Variants in ADAM22 observed in about 807,000 individuals in gnomAD.
ADAM22 encodes ADAM metallopeptidase domain 22.
In ADAM22, 65 loss-of-function variants were observed where a neutral mutation model predicts 144.6. The ratio of observed to expected loss-of-function variants is 0.45; its 90% CI spans 0.37 to 0.55. The LOEUF (loss-of-function observed/expected upper bound fraction) is 0.55, where lower values mean the gene tolerates loss of function less well. Ranked by LOEUF, ADAM22 falls within the 20% of genes least tolerant of loss-of-function variation. The probability of loss-of-function intolerance (pLI) is 0.00; values close to 1 mark genes in which losing one functional copy is unlikely to be tolerated. For missense variants in ADAM22, 974 were observed against 1,184.9 expected (o/e 0.82, Z 2.61); for synonymous variants, 391 against 412.6 (o/e 0.95, Z 0.63).
intron 2 of ADAM22, among the ~76,000 whole-genome samples, chr7:87,941,332 T>A (rs1842434595): frequency 6.6e-6 from 1 of 152,198 alleles, no homozygotes; most frequent in Admixed American, 6.5e-5. Flanking sequence ...TTTTTATTGA[T>A]GTACTTATAC....
intron 8 of ADAM22, 23 bp downstream of exon 8, chr7:88,125,682 C>A: frequency 6.5e-7 from 1 of 1,537,182 alleles, no homozygotes; most frequent in South Asian, 1.3e-5. Flanking sequence ...AGTGGTGTGT[C>A]GTGTTATTTT....
chr7:88,115,127 C>A (rs1827415988), intron 6 of ADAM22, among the ~76,000 whole-genome samples: 2 of 152,120 alleles, frequency 1.3e-5, no homozygotes, highest in Admixed American at 6.6e-5. Context: ...CGCCTGTAAT[C>A]CCAGCTACTT....
intron 22 of ADAM22, 99 bp downstream of exon 22, chr7:88,156,105 G>T (rs2129527744): frequency 7.5e-7 from 1 of 1,338,490 alleles, no homozygotes; most frequent in East Asian, 2.3e-5. Flanking sequence ...ATGTTAGTAG[G>T]TCGAAATATA....
chr7:88,171,587 T>C lies in ADAM22; in HGVS notation c.2300+26T>C, dbSNP rs759575994. 3.2e-6 allele frequency: 5 copies of C among 1,563,456 alleles called. No homozygotes were observed. In the South Asian group the frequency reaches 4.9e-5, roughly 15 times the overall value. On this transcript the variant is annotated intron_variant, in intron 26 of 31. Coordinates refer to ENST00000413139, the MANE Select transcript of ADAM22 (RefSeq NM_001324418.2). The stretch of plus-strand genomic sequence containing the variant: ...GTATGTAATACAAATAATGTGAACA[T>C]AAAACTGAAAGGTTTGACTCATATT...
chr7:87,934,774 T>C (rs1447496184), intron 1 of ADAM22: 3 of 662,314 alleles, frequency 4.5e-6, no homozygotes, highest in Non-Finnish European at 7.6e-6. Context: ...TTTTTCTCCT[T>C]CTGAAGAGGA....
chr7:88,180,404 G>T (rs1054990583), intron 27 of ADAM22, among the ~76,000 whole-genome samples: 2 of 151,946 alleles, frequency 1.3e-5, no homozygotes, highest in Non-Finnish European at 2.9e-5. Context: ...TTGTTCTTTT[G>T]TACAAAATAT....
At chr7:88,078,546 T>A (rs1369649473) in intron 4 of ADAM22, among the ~76,000 whole-genome samples, 1 of 152,064 alleles carries the variant, frequency 6.6e-6, no homozygotes, top group Non-Finnish European at 1.5e-5. Flanking sequence ...ATCAAACTAC[T>A]CCGAGCTAAA....
At chr7:88,093,895 G>A (rs1054817409) in intron 4 of ADAM22, among the ~76,000 whole-genome samples, 3 of 152,130 alleles carry the variant, frequency 2.0e-5, no homozygotes, top group Non-Finnish European at 4.4e-5. Flanking sequence ...TAGAAAAAGA[G>A]CAGATGGACT....
rs183801246 is a variant in ADAM22 at position 88,129,926 on chromosome 7, C to A, written c.754-462C>A. 4.1e-3 allele frequency among the ~76,000 whole-genome samples: 626 copies of A among 152,162 alleles called. 4 individuals carry two copies. The highest frequency in any genetic ancestry group is 5.9e-3 in the Non-Finnish European group (400 of 67,936). On this transcript the variant is annotated intron_variant, in intron 9 of 31. Coordinates refer to ENST00000413139, the MANE Select transcript of ADAM22 (RefSeq NM_001324418.2). ...TGCCCTGTATGCCACCTCGTTGTGA[C>A]CTTTATCTTAGAGGTTTCTTCTTGC...
chr7:88,127,437 T>C (rs898780163), intron 8 of ADAM22, among the ~76,000 whole-genome samples: 9 of 151,938 alleles, frequency 5.9e-5, no homozygotes, highest in African/African-American at 1.9e-4. Flanking sequence ...CTCTCACAAG[T>C]AGCAAAGCAG....
At position 88,200,056 on chromosome 7, in the gene ADAM22, C is replaced by T. The variant is rs892340264; in HGVS notation, c.*3565C>T. The T allele has an allele frequency of 6.6e-6, 1 of 152,134 alleles. No homozygotes were observed. The highest frequency in any genetic ancestry group is 1.9e-4 in the East Asian group (1 of 5,186). The allele number at this position is 152,134 out of a possible 1,614,324, so 9.4% of individuals were successfully genotyped here. On this transcript the variant is annotated 3_prime_UTR_variant, in exon 32 of 32. Coordinates refer to ENST00000413139, the MANE Select transcript of ADAM22 (RefSeq NM_001324418.2). ...CATAATTTAATCCTGTCTATTGTCC[C>T]AGATCTCTTGTGGCTACTTTACCTG...
intron 3 of ADAM22, among the ~76,000 whole-genome samples, chr7:87,989,919 CAAAG>C (rs1176474509): frequency 6.8e-6 from 1 of 147,834 alleles, no homozygotes; most frequent in Non-Finnish European, 1.5e-5. Context: ...GACTCCATCT[CAAAG>C]AAAAAAAAAA....
intron 3 of ADAM22, among the ~76,000 whole-genome samples, chr7:88,052,495 G>T (rs142925304): frequency 6.6e-6 from 1 of 150,602 alleles, no homozygotes; most frequent in Non-Finnish European, 1.5e-5. Context: ...GCGAAACTGC[G>T]TCTGAAAAAA....
At chr7:88,100,003 C>G (rs2129486395) in intron 4 of ADAM22, among the ~76,000 whole-genome samples, 2 of 152,094 alleles carry the variant, frequency 1.3e-5, no homozygotes, top group African/African-American at 4.8e-5. Context: ...AAAGGAAAAA[C>G]TGGTGAAGTC....
chr7:88,169,826 A>G (rs917440135), intron 25 of ADAM22, among the ~76,000 whole-genome samples: 4 of 152,134 alleles, frequency 2.6e-5, no homozygotes, highest in Non-Finnish European at 5.9e-5. Context: ...CACAAGCATT[A>G]TTGTGTTGAA....
intron 3 of ADAM22, among the ~76,000 whole-genome samples, chr7:88,008,664 A>G (rs1447097724): frequency 2.0e-5 from 3 of 151,484 alleles, no homozygotes; most frequent in African/African-American, 7.3e-5. Flanking sequence ...AAAACCAAAC[A>G]CCACATGTTC....
chr7:87,994,901 C>A (rs994522361), intron 3 of ADAM22, among the ~76,000 whole-genome samples: 1 of 152,036 alleles, frequency 6.6e-6, no homozygotes, highest in East Asian at 1.9e-4. Flanking sequence ...GATCTCCGCT[C>A]ACTGCAAGCT....
In ADAM22 at chr7:88,186,699, T is replaced by C. The variant is rs1462960713; in HGVS notation, c.2748T>C (p.Phe916=). Residue 916 remains phenylalanine (F), a splice_region_variant and synonymous_variant, in exon 30 of 32, where the codon TTT becomes TTC. Coordinates refer to ENST00000413139, the MANE Select transcript of ADAM22 (RefSeq NM_001324418.2). ...DVNKNTEGPY[F]RTLSPAKSPS... ...ATAAAAACACTGAAGGACCATACTT[T>C]AGGTATTTTATAAATTAATTTTTAT... 2 of 1,575,092 alleles carry C rather than the reference T, an allele frequency of 1.3e-6. No homozygotes were observed. Among genetic ancestry groups the C allele is most frequent in the South Asian group, 1.1e-5 (1 of 90,116 alleles).
intron 3 of ADAM22, among the ~76,000 whole-genome samples, chr7:88,057,689 T>G (rs1808653968): frequency 6.6e-6 from 1 of 152,228 alleles, no homozygotes; most frequent in Admixed American, 6.5e-5. Flanking sequence ...TAGGTGTGAT[T>G]ACTATTAGCT....
Sources: gnomAD v4.1 joint callset for allele counts (sites outside exome capture counted in the v4.1 genomes callset) on GRCh38, gnomAD v4.1.1 for gene constraint, MANE v1.5 for transcripts, NCBI Gene and HGNC (gene_info 2026-07-23, HGNC 2026-07-21) for gene names.